Variants in CAMTA1 observed in about 807,000 individuals in gnomAD.
CAMTA1 encodes the protein calmodulin binding transcription activator 1.
In CAMTA1, 27 loss-of-function variants were observed where a neutral mutation model predicts 170.9. The ratio of observed to expected loss-of-function variants is 0.16; its 90% confidence interval spans 0.12 to 0.22. The LOEUF is 0.22. Ranked by LOEUF, CAMTA1 falls within the 10% of genes least tolerant of loss-of-function variation. The pLI is 1.00. For synonymous variants in CAMTA1, 833 were observed against 891.5 expected, an observed-to-expected ratio of 0.93 and a Z score of 1.17; for missense variants, 1,619 against 2,217.2, an observed-to-expected ratio of 0.73 and a Z score of 5.42.
chr1:7,227,476 C>T (rs762062676), intron 4 of CAMTA1, among the ~76,000 whole-genome samples: 27 of 151,996 alleles, frequency 1.8e-4, no homozygotes, highest in Non-Finnish European at 3.4e-4. Flanking sequence ...TACAGGCATG[C>T]GCCACCATGC....
intron 5 of CAMTA1, among the ~76,000 whole-genome samples, chr1:7,263,964 G>C (rs1273648167): frequency 6.6e-6 from 1 of 152,122 alleles, no homozygotes; most frequent in Non-Finnish European, 1.5e-5. Flanking sequence ...TGTGGTTATG[G>C]ATTGCTCATT....
At chr1:6,840,458 A>T (rs891017990) in intron 3 of CAMTA1, among the ~76,000 whole-genome samples, 1 of 151,982 alleles carries the variant, frequency 6.6e-6, no homozygotes, top group Admixed American at 6.6e-5. Flanking sequence ...ATGGGATTGG[A>T]TGTAGGGGGT....
intron 4 of CAMTA1, among the ~76,000 whole-genome samples, chr1:7,222,434 C>T (rs550212241): frequency 1.5e-3 from 231 of 152,264 alleles, no homozygotes; most frequent in Non-Finnish European, 2.5e-3. Flanking sequence ...TTCTCCCTTC[C>T]TCTTGCCTGA....
intron 3 of CAMTA1, among the ~76,000 whole-genome samples, chr1:7,062,626 G>A (rs558414564): frequency 1.3e-5 from 2 of 150,906 alleles, no homozygotes; most frequent in South Asian, 4.3e-4. Context: ...GGGTGTGGGG[G>A]CTGCAGAAGA....
intron 5 of CAMTA1, among the ~76,000 whole-genome samples, chr1:7,445,190 C>T (rs2092649513): frequency 6.6e-6 from 1 of 151,350 alleles, no homozygotes; most frequent in Admixed American, 6.6e-5. Context: ...GTGGCCTGGA[C>T]AGATGGGGAG....
chr1:6,794,958 T>G (rs767458735), intron 1 of CAMTA1, among the ~76,000 whole-genome samples: 8 of 151,890 alleles, frequency 5.3e-5, no homozygotes, highest in East Asian at 1.9e-4. Context: ...TTTCTTCTGG[T>G]CACTGAGTTC....
In CAMTA1 at chr1:7,663,431, G is replaced by C. The variant is rs755484820; in HGVS notation, c.884G>C (p.Gly295Ala). 1.3e-6 allele frequency: 2 copies of C among 1,572,910 alleles called. No individual in the cohort carries two copies. The highest frequency in any genetic ancestry group is 1.7e-6 in the Non-Finnish European group (2 of 1,154,260). ...IISPKVEPRT[G>A]GYGSHSEVQH... ...TCGCCCAAGGTGGAGCCACGGACAG[G>C]GGGGTACGGGAGCCACTCGGAGGTG... Residue 295 changes from glycine to alanine, a missense_variant, in exon 9 of 23, where the codon GGG (glycine) becomes GCG (alanine). By Grantham distance (60) the Gly-to-Ala change is moderately conservative. Coordinates refer to ENST00000303635, the MANE Select transcript of CAMTA1 (RefSeq NM_015215.4).
rs1447753088 is a variant in CAMTA1, at chr1:7,547,010, G to A, written c.510+79109G>A. Among the ~76,000 whole-genome samples the A allele has an allele frequency of 6.6e-6, 1 of 152,056 alleles. No individual in the cohort carries two copies. Among genetic ancestry groups the A allele is most frequent in the Non-Finnish European group, 1.5e-5 (1 of 67,996 alleles). ...TCAGACTTTCAGTTTTTATTCATTT[G>A]TTTATGTATAACCTTATTTTATTCA... On this transcript the variant is annotated intron_variant, in intron 6 of 22. Coordinates refer to ENST00000303635, the MANE Select transcript of CAMTA1 (RefSeq NM_015215.4). The surrounding 1 kb of genome is among the most constrained non-coding windows in gnomAD (Gnocchi z 5.7).
chr1:6,999,112 G>A (rs1697791569), intron 3 of CAMTA1, among the ~76,000 whole-genome samples: 1 of 152,102 alleles, frequency 6.6e-6, no homozygotes, highest in Admixed American at 6.5e-5. Flanking sequence ...TTCTTCCTAT[G>A]ACTGCCTCTT....
At chr1:7,655,363 C>G (rs1266865098) in intron 7 of CAMTA1, among the ~76,000 whole-genome samples, 1 of 149,886 alleles carries the variant, frequency 6.7e-6, no homozygotes, top group Non-Finnish European at 1.5e-5. Context: ...CTTAAACAAA[C>G]ACACCCACCT....
intron 1 of CAMTA1, among the ~76,000 whole-genome samples, chr1:6,816,790 A>G (rs1315360543): frequency 1.3e-5 from 2 of 152,140 alleles, no homozygotes; most frequent in Non-Finnish European, 1.5e-5. Flanking sequence ...CCGCCCCAGT[A>G]TTGCAGACAG....
chr1:7,596,558 C>T (rs1190937071), intron 6 of CAMTA1, among the ~76,000 whole-genome samples: 1 of 152,226 alleles, frequency 6.6e-6, no homozygotes, highest in Admixed American at 6.5e-5. Flanking sequence ...CCACTCAGGG[C>T]CATGCACAAG....
At chr1:6,998,542 G>A (rs892371021) in intron 3 of CAMTA1, among the ~76,000 whole-genome samples, 1 of 152,138 alleles carries the variant, frequency 6.6e-6, no homozygotes, top group African/African-American at 2.4e-5. Flanking sequence ...CCTGTCCCCA[G>A]GGAGACCTGC....
intron 5 of CAMTA1, among the ~76,000 whole-genome samples, chr1:7,348,805 G>A (rs2084423550): frequency 6.6e-6 from 1 of 152,156 alleles, no homozygotes. Flanking sequence ...GAGAGATGGG[G>A]CCACCCACGT....
chr1:7,565,032 G>A lies in CAMTA1; in HGVS notation c.511-75368G>A, dbSNP rs906098757. ...CACGAGATCAAGGTGGATGGGGGGT[G>A]GGAGCAGAAGGGCAAGGCCCCTCAG... On this transcript the variant is annotated intron_variant, in intron 6 of 22. Transcript: ENST00000303635. This position sits in a 1 kb window ranked among gnomAD's most constrained non-coding sequence, Gnocchi z 4.5. Among the ~76,000 whole-genome samples the A allele has an allele frequency of 6.6e-6, 1 of 152,070 alleles. No homozygotes were observed. Among genetic ancestry groups the A allele is most frequent in the Non-Finnish European group, 1.5e-5 (1 of 67,952 alleles).
In CAMTA1 at chr1:7,049,550, G is replaced by A. The variant is rs141275661; in HGVS notation, c.235-41754G>A. Among the ~76,000 whole-genome samples, 392 of 152,122 alleles carry A rather than the reference G, an allele frequency of 2.6e-3. 1 individual carries two copies. The highest frequency in any genetic ancestry group is 7.9e-3 in the African/African-American group (326 of 41,490). On this transcript the variant is annotated intron_variant, in intron 3 of 22. Coordinates refer to ENST00000303635, the MANE Select transcript of CAMTA1 (RefSeq NM_015215.4). ...CTACTAACTGCAACCTCTGCCTCCCGGGTGCAAGCGATTCTTCTGACTCAG... is the reference window on the plus strand; with the variant it reads ...CTACTAACTGCAACCTCTGCCTCCCAGGTGCAAGCGATTCTTCTGACTCAG...
chr1:7,043,840 C>G (rs898718921), intron 3 of CAMTA1, among the ~76,000 whole-genome samples: 15 of 152,146 alleles, frequency 9.9e-5, no homozygotes, highest in African/African-American at 3.6e-4. Flanking sequence ...AGACTGCTCA[C>G]GCACTGGTTT....
At chr1:7,155,786 C>T (rs568828115) in intron 4 of CAMTA1, among the ~76,000 whole-genome samples, 2 of 152,226 alleles carry the variant, frequency 1.3e-5, no homozygotes, top group East Asian at 3.9e-4. Context: ...TTCTCTATGC[C>T]TCATGGTTCC....
chr1:6,946,131 T>G (rs369056678), intron 3 of CAMTA1, among the ~76,000 whole-genome samples: 1 of 152,164 alleles, frequency 6.6e-6, no homozygotes, highest in South Asian at 2.1e-4. Flanking sequence ...ACTAGCTGTA[T>G]AGGGGAGTTC....
Sources: allele counts gnomAD v4.1 joint callset (sites outside exome capture counted in the v4.1 genomes callset), GRCh38; gene constraint gnomAD v4.1.1; non-coding constraint Gnocchi (gnomAD v3.1); transcripts MANE v1.5; gene names NCBI Gene and HGNC (gene_info 2026-07-23, HGNC 2026-07-21).